CHM: variants seen among roughly 807,000 people sequenced by gnomAD.
CHM encodes rab proteins geranylgeranyltransferase component A 1.
A neutral mutation model predicts 49.0 loss-of-function variants in CHM; 10 were observed. The observed-to-expected ratio is 0.20, with a 90% CI of 0.13 to 0.35. CHM has a LOEUF of 0.35. Among genes scored for constraint, CHM ranks in the 10% least tolerant of loss-of-function variants. The pLI is 1.00. For synonymous variants in CHM, 184 were observed against 167.5 expected (o/e 1.10, Z -0.76); for missense variants, 455 against 478.4 (o/e 0.95, Z 0.46).
chrX:85,929,106 G>A (rs1420004253), intron 8 of CHM, among the ~76,000 whole-genome samples: 1 of 111,392 alleles, frequency 9.0e-6, no homozygotes, highest in Non-Finnish European at 1.9e-5. Flanking sequence ...AGAAATTAGG[G>A]AAGCACAGTG....
chrX:85,892,613 C>T (rs1040536104), intron 12 of CHM, among the ~76,000 whole-genome samples: 4 of 111,100 alleles, frequency 3.6e-5, no homozygotes, highest in South Asian at 3.8e-4. Flanking sequence ...TTCTCAATTT[C>T]GGGTAGGTTT....
intron 8 of CHM, among the ~76,000 whole-genome samples, chrX:85,949,340 A>T (rs1166759752): frequency 8.9e-6 from 1 of 112,025 alleles, no homozygotes; most frequent in African/African-American, 3.2e-5. Context: ...TAGTGGAAAA[A>T]AGAGAAATAG....
chrX:86,025,686 A>AAAAAAG (rs1263340110), intron 2 of CHM, among the ~76,000 whole-genome samples: 21 of 104,080 alleles, frequency 2.0e-4, no homozygotes, highest in African/African-American at 7.5e-4. Flanking sequence ...CAAAAAAAAA[A>AAAAAAG]AAAGAAAGAA....
At chrX:85,867,181 G>A (rs1158570294) in intron 14 of CHM, among the ~76,000 whole-genome samples, 1 of 111,750 alleles carries the variant, frequency 8.9e-6, no homozygotes, top group Non-Finnish European at 1.9e-5. Context: ...GGTGGGAGAT[G>A]AATGGATTAT....
At chrX:86,004,861 G>A (rs1932820106) in intron 2 of CHM, among the ~76,000 whole-genome samples, 1 of 111,731 alleles carries the variant, frequency 9.0e-6, no homozygotes, top group South Asian at 3.8e-4. Context: ...CAACGAGACA[G>A]AAGGTTAACA....
At chrX:85,996,225 TTTC>T (rs911299614) in intron 2 of CHM, among the ~76,000 whole-genome samples, 1 of 112,173 alleles carries the variant, frequency 8.9e-6, no homozygotes, top group African/African-American at 3.2e-5. Context: ...TCAATATTGT[TTTC>T]TTAAGAGCAA....
chrX:85,941,461 C>T (rs922365169), intron 8 of CHM, among the ~76,000 whole-genome samples: 1 of 111,947 alleles, frequency 8.9e-6, no homozygotes, highest in Non-Finnish European at 1.9e-5. Context: ...TATACATCAT[C>T]TGCTATTCAT....
At chrX:85,892,121 C>T (rs1399174433) in intron 12 of CHM, among the ~76,000 whole-genome samples, 1 of 111,849 alleles carries the variant, frequency 8.9e-6, no homozygotes, top group Non-Finnish European at 1.9e-5. Context: ...AGGAAGTTAA[C>T]TAACTTGCTT....
At chrX:85,940,520 G>A (rs1038161304) in intron 8 of CHM, among the ~76,000 whole-genome samples, 1 of 110,829 alleles carries the variant, frequency 9.0e-6, no homozygotes, top group African/African-American at 3.3e-5. Context: ...GTCACAAGTG[G>A]GTTGGGTGAA....
chrX:86,002,790 C>A (rs1043656301), intron 2 of CHM, among the ~76,000 whole-genome samples: 1 of 112,621 alleles, frequency 8.9e-6, no homozygotes, highest in Non-Finnish European at 1.9e-5. Context: ...CCTCTAGACT[C>A]CAACTCTGTG....
At chrX:86,006,647 C>T (rs1451732630) in intron 2 of CHM, among the ~76,000 whole-genome samples, 1 of 111,432 alleles carries the variant, frequency 9.0e-6, no homozygotes, top group Non-Finnish European at 1.9e-5. Flanking sequence ...CATGAGTGAA[C>T]TCCCATTCAT....
intron 2 of CHM, among the ~76,000 whole-genome samples, chrX:86,008,124 G>A (rs1932904570): frequency 9.0e-6 from 1 of 111,504 alleles, no homozygotes; most frequent in African/African-American, 3.3e-5. Flanking sequence ...AGATGAAGCT[G>A]GAAACCATCA....
At chrX:85,915,185 A>G (rs1927381188) in intron 8 of CHM, among the ~76,000 whole-genome samples, 1 of 111,941 alleles carries the variant, frequency 8.9e-6, no homozygotes, top group Non-Finnish European at 1.9e-5. Flanking sequence ...ACAGAAGAAG[A>G]AAACCTCGGG....
chrX:86,025,687 A>G (rs1250276081), intron 2 of CHM, among the ~76,000 whole-genome samples: 1 of 102,209 alleles, frequency 9.8e-6, no homozygotes, highest in African/African-American at 3.7e-5. Context: ...AAAAAAAAAA[A>G]AAGAAAGAAA....
At chrX:85,878,317 T>C (rs1025912502) in intron 13 of CHM, among the ~76,000 whole-genome samples, 5 of 110,926 alleles carry the variant, frequency 4.5e-5, no homozygotes, top group East Asian at 2.8e-4. Context: ...CCGTCTCTAT[T>C]ACAAATACAA....
At chrX:85,897,040 C>T (rs1433178023) in intron 11 of CHM, among the ~76,000 whole-genome samples, 3 of 90,633 alleles carry the variant, frequency 3.3e-5, no homozygotes, top group Admixed American at 2.7e-4. Flanking sequence ...TATATAATAA[C>T]ATAATATATA....
At chrX:85,915,163 G>T (rs186192176) in intron 8 of CHM, among the ~76,000 whole-genome samples, 1 of 111,802 alleles carries the variant, frequency 8.9e-6, no homozygotes, top group East Asian at 2.8e-4. Flanking sequence ...ACCAAAACCT[G>T]GCAGAGATAT....
At chrX:86,041,334 G>T (rs1365056734) in intron 1 of CHM, among the ~76,000 whole-genome samples, 1 of 111,059 alleles carries the variant, frequency 9.0e-6, no homozygotes, top group Non-Finnish European at 1.9e-5. Context: ...CTAGGTATTG[G>T]AAGCAAACAA....
chrX:85,870,775 A>G (rs1322368000), intron 14 of CHM, among the ~76,000 whole-genome samples: 1 of 111,857 alleles, frequency 8.9e-6, no homozygotes, highest in Non-Finnish European at 1.9e-5. Flanking sequence ...AATCACAACT[A>G]TCACTTAGGT....
Sources: allele counts gnomAD v4.1 joint callset (sites outside exome capture counted in the v4.1 genomes callset), GRCh38; gene constraint gnomAD v4.1.1; transcripts MANE v1.5; gene names NCBI Gene and HGNC (gene_info 2026-07-23, HGNC 2026-07-21).